The following SLC24A2 variants were observed in gnomAD, a reference collection of about 807,000 sequenced individuals.
SLC24A2 encodes the protein sodium/potassium/calcium exchanger 2.
Under a neutral mutation model 62.0 loss-of-function variants are expected in SLC24A2, and 36 were observed. The observed-to-expected ratio is 0.58, with a 90% CI of 0.44 to 0.77. The LOEUF (loss-of-function observed/expected upper bound fraction) is 0.77. Among genes scored for constraint, SLC24A2 ranks in the 30% least tolerant of loss-of-function variants. The probability of loss-of-function intolerance (pLI) is 0.00; values close to 1 mark genes in which losing one functional copy is unlikely to be tolerated. For missense variants in SLC24A2, 846 were observed against 817.9 expected (o/e 1.03, Z -0.42); for synonymous variants, 358 against 294.0 (o/e 1.22, Z -2.23).
At chr9:19,557,887 C>T (rs1015370858) in intron 7 of SLC24A2, among the ~76,000 whole-genome samples, 17 of 151,032 alleles carry the variant, frequency 1.1e-4, no homozygotes, top group African/African-American at 4.2e-4. Context: ...GGCATGATCT[C>T]AGCTCACTGT....
chr9:19,553,728 C>G (rs902676056), intron 7 of SLC24A2, among the ~76,000 whole-genome samples: 6 of 152,220 alleles, frequency 3.9e-5, no homozygotes, highest in Non-Finnish European at 8.8e-5. Flanking sequence ...AGTCACTAAG[C>G]ACCTACAGGT....
rs1832917869 is a variant in SLC24A2, at chr9:19,516,213, C to G, written c.1926G>C (p.Val642=). The G allele has an allele frequency of 6.2e-7, 1 of 1,614,040 alleles. No homozygotes were observed. Among genetic ancestry groups the G allele is most frequent in the African/African-American group, 1.3e-5 (1 of 74,904 alleles). Residue 642 remains valine, a synonymous_variant, in exon 11 of 11, where the codon GTG becomes GTC. Coordinates refer to ENST00000341998, the MANE Select transcript of SLC24A2 (RefSeq NM_020344.4). ...LGFIMFGLYF[V]FLVVSVLLED... ...CTAGGAGAACGCTCACCACCAGGAA[C>G]ACAAAGTAGAGGCCAAACATGATGA...
chr9:19,583,420 T>C (rs950651987), intron 5 of SLC24A2, among the ~76,000 whole-genome samples: 1 of 152,186 alleles, frequency 6.6e-6, no homozygotes, highest in Non-Finnish European at 1.5e-5. Context: ...CCGTCTAATA[T>C]ACTATATCAT....
the SLC24A2 span, among the ~76,000 whole-genome samples, chr9:20,150,757 C>A: frequency 2.8e-4 from 43 of 151,356 alleles, no homozygotes; most frequent in Non-Finnish European, 5.3e-4. Flanking sequence ...AAAAGTTATA[C>A]AACTATTTAA....
At chr9:19,852,745 G>A in the SLC24A2 span, among the ~76,000 whole-genome samples, 1 of 152,064 alleles carries the variant, frequency 6.6e-6, no homozygotes, top group African/African-American at 2.4e-5. Flanking sequence ...ATGAGGTGAA[G>A]TAAAATGATG....
chr9:20,066,520 T>C, the SLC24A2 span, among the ~76,000 whole-genome samples: 1 of 152,228 alleles, frequency 6.6e-6, no homozygotes, highest in Non-Finnish European at 1.5e-5. Context: ...ACTGTCTCAC[T>C]CTGTGTCTAT....
At chr9:20,252,398 CTG>C in the SLC24A2 span, among the ~76,000 whole-genome samples, 2 of 152,214 alleles carry the variant, frequency 1.3e-5, no homozygotes, top group Admixed American at 1.3e-4. Flanking sequence ...CAGCTGAGCA[CTG>C]TGTCTGGTGT....
the SLC24A2 span, among the ~76,000 whole-genome samples, chr9:20,179,517 G>C: frequency 1.3e-5 from 2 of 152,158 alleles, no homozygotes; most frequent in Admixed American, 6.6e-5. Flanking sequence ...CACCAGCAGA[G>C]ACTGGACAAG....
chr9:19,592,499 T>TACCC (rs1007759388), intron 5 of SLC24A2, among the ~76,000 whole-genome samples: 14 of 58,584 alleles, frequency 2.4e-4, no homozygotes, highest in African/African-American at 5.4e-4. Flanking sequence ...CCTACCCACC[T>TACCC]ACCTACCTAC....
chr9:19,982,894 C>T, the SLC24A2 span, among the ~76,000 whole-genome samples: 61 of 152,262 alleles, frequency 4.0e-4, no homozygotes, highest in African/African-American at 1.4e-3. Flanking sequence ...CAATTTAATA[C>T]ACCACATTAA....
chr9:19,532,199 C>T (rs1833740725), intron 8 of SLC24A2, among the ~76,000 whole-genome samples: 1 of 152,186 alleles, frequency 6.6e-6, no homozygotes, highest in South Asian at 2.1e-4. Context: ...TCTCCTACCT[C>T]AGCCTCCTGA....
chr9:19,551,931 G>C (rs1226017196), intron 7 of SLC24A2, among the ~76,000 whole-genome samples: 1 of 152,196 alleles, frequency 6.6e-6, no homozygotes, highest in African/African-American at 2.4e-5. Context: ...AAAAGGGTTA[G>C]TAACAACAGG....
the SLC24A2 span, chr9:19,929,932 A>G: frequency 6.6e-6 from 1 of 152,002 alleles, no homozygotes; most frequent in Non-Finnish European, 1.5e-5. Flanking sequence ...TTAAACAGAA[A>G]AAAGGTTATA....
intron 2 of SLC24A2, among the ~76,000 whole-genome samples, chr9:19,629,899 C>G (rs1256056553): frequency 1.3e-5 from 2 of 152,160 alleles, no homozygotes; most frequent in Admixed American, 6.5e-5. Flanking sequence ...AAAGAAAATT[C>G]ATTCATTTAA....
the SLC24A2 span, among the ~76,000 whole-genome samples, chr9:20,107,443 T>G: frequency 6.6e-6 from 1 of 152,124 alleles, no homozygotes; most frequent in Non-Finnish European, 1.5e-5. Flanking sequence ...GACTTCAAAC[T>G]ATACTACAAG....
At chr9:19,529,099 G>T (rs1309254504) in intron 8 of SLC24A2, among the ~76,000 whole-genome samples, 1 of 152,204 alleles carries the variant, frequency 6.6e-6, no homozygotes, top group Non-Finnish European at 1.5e-5. Context: ...GCACAATGCT[G>T]TCAGAGAGCC....
the SLC24A2 span, among the ~76,000 whole-genome samples, chr9:19,921,990 C>A: frequency 6.6e-6 from 1 of 152,150 alleles, no homozygotes; most frequent in Non-Finnish European, 1.5e-5. Context: ...TCCCAAGAAT[C>A]CTATGAGTGG....
chr9:19,579,160 G>T (rs1836126740), intron 5 of SLC24A2, among the ~76,000 whole-genome samples: 1 of 152,116 alleles, frequency 6.6e-6, no homozygotes. Flanking sequence ...ACTCTGGGAA[G>T]AAAAAGGGAA....
chr9:20,280,172 A>G, the SLC24A2 span, among the ~76,000 whole-genome samples: 1 of 152,194 alleles, frequency 6.6e-6, no homozygotes, highest in Admixed American at 6.5e-5. Flanking sequence ...GGAGCAAAAA[A>G]GCTGAATGGG....
Sources: gnomAD v4.1 joint callset for allele counts (sites outside exome capture counted in the v4.1 genomes callset) on GRCh38, gnomAD v4.1.1 for gene constraint, MANE v1.5 for transcripts, NCBI Gene and HGNC (gene_info 2026-07-23, HGNC 2026-07-21) for gene names.